Variants in TBCK observed in about 807,000 individuals in gnomAD.
TBCK encodes the protein TBC1 domain containing kinase.
In TBCK, 99 loss-of-function variants were observed where a neutral mutation model predicts 113.4. That is an observed-to-expected ratio of 0.87 (90% CI 0.74 to 1.03). TBCK has a LOEUF of 1.03. TBCK is among the 50% of genes least tolerant of loss of function. TBCK has a pLI of 0.00. For missense variants in TBCK, 1,045 were observed against 1,061.3 expected, an observed-to-expected ratio of 0.98 and a Z score of 0.21; for synonymous variants, 369 against 370.8, an observed-to-expected ratio of 1.00 and a Z score of 0.05.
chr4:106,286,760 A>C lies in TBCK; in HGVS notation c.266+8334T>G, dbSNP rs557106295. On this transcript the variant is annotated intron_variant, in intron 3 of 25. Coordinates refer to ENST00000394708, the MANE Select transcript of TBCK (RefSeq NM_001163435.3). ...AAGGATCGCTTGAGCCCAGGAGGTC[A>C]AGGCTACAGTAAGCAGCGATCACAG... Among the ~76,000 whole-genome samples the C allele has an allele frequency of 3.3e-5, 5 of 151,966 alleles. No individual in the cohort carries two copies. In the South Asian group the frequency reaches 1.0e-3, roughly 32 times the overall value.
At chr4:106,102,369 C>T (rs1741657077) in intron 24 of TBCK, among the ~76,000 whole-genome samples, 1 of 152,128 alleles carries the variant, frequency 6.6e-6, no homozygotes, top group African/African-American at 2.4e-5. Context: ...TTACCACCTG[C>T]AGGCTTTTTG....
chr4:106,197,390 T>A (rs1271059856), intron 20 of TBCK, among the ~76,000 whole-genome samples: 2 of 83,220 alleles, frequency 2.4e-5, no homozygotes, highest in African/African-American at 3.9e-5. Flanking sequence ...TATCTGAGTG[T>A]GTGTGTGTGT....
intron 19 of TBCK, among the ~76,000 whole-genome samples, chr4:106,215,499 A>G (rs1004208268): frequency 3.3e-5 from 5 of 152,138 alleles, no homozygotes; most frequent in African/African-American, 1.2e-4. Flanking sequence ...CACATAGGCT[A>G]AAAATAAAAG....
chr4:106,149,455 A>G (rs757202737), intron 23 of TBCK, among the ~76,000 whole-genome samples: 2 of 152,186 alleles, frequency 1.3e-5, no homozygotes, highest in Non-Finnish European at 2.9e-5. Context: ...TGAGTCCATT[A>G]TAGGGCTACT....
At chr4:106,185,679 T>C (rs187141040) in intron 22 of TBCK, among the ~76,000 whole-genome samples, 2 of 152,202 alleles carry the variant, frequency 1.3e-5, no homozygotes, top group Admixed American at 6.5e-5. Flanking sequence ...GATCACAACA[T>C]TGTGAGCAGC....
intron 22 of TBCK, among the ~76,000 whole-genome samples, chr4:106,173,207 T>C (rs981190118): frequency 6.6e-6 from 1 of 152,168 alleles, no homozygotes; most frequent in African/African-American, 2.4e-5. Context: ...GATAATATAG[T>C]GAAGCTCTCT....
chr4:106,083,146 C>A (rs573714900), intron 25 of TBCK, among the ~76,000 whole-genome samples: 1 of 152,352 alleles, frequency 6.6e-6, no homozygotes, highest in Admixed American at 6.5e-5. Flanking sequence ...GAAGGGGCAG[C>A]AGCCAGCCCT....
chr4:106,288,462 TATTTC>T (rs1288316243), intron 3 of TBCK, among the ~76,000 whole-genome samples: 7 of 152,214 alleles, frequency 4.6e-5, no homozygotes, highest in Admixed American at 1.3e-4. Flanking sequence ...TTTCAGTGCA[TATTTC>T]ATTTAGTTAT....
chr4:106,210,888 G>T (rs1245854739), intron 20 of TBCK, among the ~76,000 whole-genome samples: 2 of 152,072 alleles, frequency 1.3e-5, no homozygotes, highest in East Asian at 3.8e-4. Flanking sequence ...ATTTGTCCTT[G>T]TGTGTTTCCT....
At chr4:106,310,584 A>T (rs937837105) in intron 1 of TBCK, 4 of 152,202 alleles carry the variant, frequency 2.6e-5, no homozygotes, top group Non-Finnish European at 5.9e-5. Flanking sequence ...GTTGCTATGG[A>T]CACTGGTGAG....
chr4:106,089,972 G>C (rs1047552160), intron 25 of TBCK, among the ~76,000 whole-genome samples: 4 of 152,162 alleles, frequency 2.6e-5, no homozygotes, highest in African/African-American at 9.7e-5. Context: ...CTGGAGGGTG[G>C]CATCCCACTT....
chr4:106,119,113 G>C (rs950604427), intron 23 of TBCK, among the ~76,000 whole-genome samples: 1 of 151,936 alleles, frequency 6.6e-6, no homozygotes. Flanking sequence ...TTTCCACTTA[G>C]AGGCATAAAA....
chr4:106,309,182 C>T (rs1263447148), intron 1 of TBCK, among the ~76,000 whole-genome samples, 193 bp from the exon 2 acceptor site: 2 of 151,912 alleles, frequency 1.3e-5, no homozygotes, highest in South Asian at 2.1e-4. Flanking sequence ...AGCTCTAAAT[C>T]AAACTCTAAG....
intron 23 of TBCK, among the ~76,000 whole-genome samples, chr4:106,132,150 A>C (rs1450328771): frequency 6.6e-6 from 1 of 152,264 alleles, no homozygotes; most frequent in Non-Finnish European, 1.5e-5. Context: ...CCAAATGTTA[A>C]TCACCAAGAC....
At chr4:106,269,580 A>G (rs1373594206) in intron 3 of TBCK, among the ~76,000 whole-genome samples, 5 of 152,166 alleles carry the variant, frequency 3.3e-5, no homozygotes, top group Non-Finnish European at 2.9e-5. Context: ...TAAATTTAAG[A>G]ATGTATTTGC....
intron 12 of TBCK, among the ~76,000 whole-genome samples, chr4:106,241,910 C>A: frequency 6.6e-6 from 1 of 151,138 alleles, no homozygotes; most frequent in Non-Finnish European, 1.5e-5. Flanking sequence ...GAATTCTATT[C>A]AATAAAAGAA....
chr4:106,202,343 T>C (rs1754984591), intron 20 of TBCK, among the ~76,000 whole-genome samples: 1 of 151,970 alleles, frequency 6.6e-6, no homozygotes, highest in South Asian at 2.1e-4. Context: ...AGAAGAATGA[T>C]GGAATCATCT....
intron 23 of TBCK, among the ~76,000 whole-genome samples, chr4:106,132,586 G>A (rs778850670): frequency 1.3e-5 from 2 of 152,228 alleles, no homozygotes; most frequent in Non-Finnish European, 2.9e-5. Flanking sequence ...GCTGTGAGAA[G>A]AGGGCCACAG....
At chr4:106,212,029 TA>T (rs1352318331) in intron 20 of TBCK, among the ~76,000 whole-genome samples, 1 of 152,160 alleles carries the variant, frequency 6.6e-6, no homozygotes. Flanking sequence ...TTCACAGTGT[TA>T]AAAAAAATTT....
Sources: gnomAD v4.1 joint callset for allele counts (sites outside exome capture counted in the v4.1 genomes callset) on GRCh38, gnomAD v4.1.1 for gene constraint, MANE v1.5 for transcripts, NCBI Gene and HGNC (gene_info 2026-07-23, HGNC 2026-07-21) for gene names.